The following ATP10D variants were observed in gnomAD, a reference collection of about 807,000 sequenced individuals.
The protein encoded by ATP10D is phospholipid-transporting ATPase VD.
ATP10D carries 89 observed loss-of-function variants against 144.8 expected under a neutral mutation model. That is an observed-to-expected ratio of 0.61 (90% CI 0.52 to 0.73). The LOEUF (loss-of-function observed/expected upper bound fraction) is 0.73. Ranked by LOEUF, ATP10D falls within the 30% of genes least tolerant of loss-of-function variation. ATP10D has a pLI of 0.00. For synonymous variants in ATP10D, 571 were observed against 615.1 expected, an observed-to-expected ratio of 0.93 and a Z score of 1.06; for missense variants, 1,603 against 1,714.8, an observed-to-expected ratio of 0.93 and a Z score of 1.15.
At chr4:47,502,041 G>A (rs1338328344) in intron 1 of ATP10D, among the ~76,000 whole-genome samples, 1 of 152,120 alleles carries the variant, frequency 6.6e-6, no homozygotes, top group African/African-American at 2.4e-5. Flanking sequence ...CACCATAAAT[G>A]AGTAAGATTT....
chr4:47,518,261 C>T (rs552352419), intron 3 of ATP10D, among the ~76,000 whole-genome samples: 8 of 152,012 alleles, frequency 5.3e-5, no homozygotes, highest in Admixed American at 1.3e-4. Flanking sequence ...TTTCACAAGG[C>T]GCTTAATTTT....
intron 1 of ATP10D, among the ~76,000 whole-genome samples, chr4:47,493,329 T>C (rs2109381885): frequency 6.6e-6 from 1 of 152,348 alleles, no homozygotes; most frequent in Non-Finnish European, 1.5e-5. Context: ...TTTTCCAGTT[T>C]ATGATGATGC....
At chr4:47,577,199 G>T (rs1247102595) in intron 19 of ATP10D, among the ~76,000 whole-genome samples, 6 of 152,182 alleles carry the variant, frequency 3.9e-5, no homozygotes, top group Non-Finnish European at 8.8e-5. Flanking sequence ...TCTAAAGTTT[G>T]AATCTTACAA....
At chr4:47,518,108 A>G (rs1313307139) in intron 3 of ATP10D, among the ~76,000 whole-genome samples, 2 of 152,212 alleles carry the variant, frequency 1.3e-5, no homozygotes, top group Non-Finnish European at 2.9e-5. Context: ...ATGTAAATGT[A>G]TATGAAATAC....
chr4:47,524,156 C>T (rs551103475), intron 4 of ATP10D, among the ~76,000 whole-genome samples: 4 of 152,230 alleles, frequency 2.6e-5, no homozygotes, highest in African/African-American at 9.6e-5. Flanking sequence ...TTGATCTCCT[C>T]ACCTCGTGAT....
intron 1 of ATP10D, among the ~76,000 whole-genome samples, chr4:47,490,158 A>G (rs1210962544): frequency 6.6e-6 from 1 of 152,120 alleles, no homozygotes; most frequent in Non-Finnish European, 1.5e-5. Context: ...TTTCCCCTTA[A>G]TTAGACTATA....
At chr4:47,551,285 A>G (rs1199171135) in intron 10 of ATP10D, among the ~76,000 whole-genome samples, 1 of 152,234 alleles carries the variant, frequency 6.6e-6, no homozygotes, top group Non-Finnish European at 1.5e-5. Context: ...TAAATCTAAA[A>G]TTTGAGATAG....
rs374921883 is a variant in ATP10D at position 47,558,048 on chromosome 4, G to A, written c.2209G>A (p.Ala737Thr). Reference sequence around the variant, plus strand: ...AGACGAAGCGGCCTTAGTGTATGCCGCCAGGGCTTACCAATGCACTTTACG... The same window carrying A: ...AGACGAAGCGGCCTTAGTGTATGCCACCAGGGCTTACCAATGCACTTTACG... Reference protein sequence around the residue: ...SPDEAALVYAARAYQCTLRSR... With the variant: ...SPDEAALVYATRAYQCTLRSR... The change falls in exon 12 of 23, where the codon GCC (alanine) becomes ACC (threonine). Residue 737 changes from alanine to threonine, a missense_variant. Physicochemically the swap from Ala to Thr is moderately conservative, Grantham distance 58. Transcript: ENST00000273859. 3.7e-5 allele frequency: 60 copies of A among 1,614,054 alleles called. No individual in the cohort carries two copies. The highest frequency in any genetic ancestry group is 4.5e-5 in the East Asian group (2 of 44,898).
chr4:47,557,851 C>T lies in ATP10D; in HGVS notation c.2012C>T (p.Pro671Leu). ...TTTAGTCGAATGAAACCAGCTTCAC[C>T]TGTGGAGGAAGAGGTCTCCCAGGTG... ...PLFSRMKPAS[P>L]VEEEVSQVCE... Residue 671 changes from proline (P) to leucine (L), a missense_variant, in exon 12 of 23, where the codon CCT (proline) becomes CTT (leucine). By Grantham distance (98) the Pro-to-Leu change is moderately conservative. Transcript: ENST00000273859. 6.2e-7 allele frequency: 1 copy of T among 1,614,204 alleles called. No individual in the cohort carries two copies. The highest frequency in any genetic ancestry group is 8.5e-7 in the Non-Finnish European group (1 of 1,180,038).
chr4:47,491,382 A>G (rs1196074029), intron 1 of ATP10D: 1 of 733,682 alleles, frequency 1.4e-6, no homozygotes, highest in African/African-American at 1.7e-5. Context: ...GTATGTGGCC[A>G]AAGGAACAAC....
At chr4:47,576,703 C>A in intron 18 of ATP10D, 70 bp from the exon 19 acceptor site, 1 of 1,453,648 alleles carries the variant, frequency 6.9e-7, no homozygotes, top group Non-Finnish European at 9.6e-7. Flanking sequence ...AAAATGGCAG[C>A]ATTTGGAATG....
At chr4:47,513,271 T>C (rs1474072786) in intron 2 of ATP10D, among the ~76,000 whole-genome samples, 3 of 152,218 alleles carry the variant, frequency 2.0e-5, no homozygotes, top group Non-Finnish European at 4.4e-5. Context: ...GGTGAAACAG[T>C]GACCTAATTC....
At chr4:47,553,507 A>T (rs984540528) in intron 10 of ATP10D, among the ~76,000 whole-genome samples, 2 of 152,250 alleles carry the variant, frequency 1.3e-5, no homozygotes, top group Admixed American at 1.3e-4. Context: ...TCATTTGAGA[A>T]AGAAAGAAGG....
At chr4:47,534,348 CAG>C (rs1049635391) in intron 5 of ATP10D, among the ~76,000 whole-genome samples, 8 of 152,172 alleles carry the variant, frequency 5.3e-5, no homozygotes, top group Non-Finnish European at 1.2e-4. Flanking sequence ...ATGAAACAAA[CAG>C]AGTCTCTCCC....
chr4:47,541,897 A>G (rs1313780334), intron 9 of ATP10D, among the ~76,000 whole-genome samples: 1 of 152,148 alleles, frequency 6.6e-6, no homozygotes, highest in East Asian at 1.9e-4. Context: ...ACCTTCAGAC[A>G]AAGGAAAGAA....
chr4:47,558,530 C>T (rs1300856500), intron 12 of ATP10D, among the ~76,000 whole-genome samples: 1 of 152,218 alleles, frequency 6.6e-6, no homozygotes, highest in Non-Finnish European at 1.5e-5. Context: ...AAGTCTTCAA[C>T]TCAATGGGTC....
chr4:47,550,967 G>A (rs1030738799), intron 10 of ATP10D, among the ~76,000 whole-genome samples: 5 of 152,268 alleles, frequency 3.3e-5, no homozygotes, highest in Non-Finnish European at 7.3e-5. Context: ...CATACAAAGG[G>A]AGGGAACCCA....
chr4:47,544,139 A>C (rs896215090), intron 9 of ATP10D, among the ~76,000 whole-genome samples: 1 of 152,156 alleles, frequency 6.6e-6, no homozygotes, highest in Non-Finnish European at 1.5e-5. Context: ...ACTAATTTGT[A>C]CCATTTTTGT....
chr4:47,564,967 A>ATTTG (rs999420209), intron 15 of ATP10D, among the ~76,000 whole-genome samples: 22 of 151,728 alleles, frequency 1.4e-4, no homozygotes, highest in East Asian at 1.4e-3. Flanking sequence ...TCGTTTGTTT[A>ATTTG]TTTGTTTGTT....
Sources: allele counts gnomAD v4.1 joint callset (sites outside exome capture counted in the v4.1 genomes callset), GRCh38; gene constraint gnomAD v4.1.1; transcripts MANE v1.5; gene names NCBI Gene and HGNC (gene_info 2026-07-23, HGNC 2026-07-21).